Variants in ASAH2 observed in about 807,000 individuals in gnomAD.
ASAH2 encodes neutral ceramidase.
ASAH2 carries 58 observed loss-of-function variants against 82.9 expected under a neutral mutation model. The ratio of observed to expected loss-of-function variants is 0.70; its 90% CI spans 0.57 to 0.87. The LOEUF (loss-of-function observed/expected upper bound fraction) is 0.87, where lower values mean the gene tolerates loss of function less well. Among genes scored for constraint, ASAH2 ranks in the 40% least tolerant of loss-of-function variants. The pLI is 0.00. For missense variants in ASAH2, 779 were observed against 834.0 expected (o/e 0.93, Z 0.81); for synonymous variants, 276 against 289.7 (o/e 0.95, Z 0.48).
rs1457465858 is a variant in ASAH2 at position 50,185,899 on chromosome 10, G to A, written c.*1416C>T. ...TGATTTTTTTCCCTAAAATGCTAAA[G>A]CTTTTACATACATACAAAAGTATGA... On this transcript the variant is annotated 3_prime_UTR_variant, in exon 21 of 21. Coordinates refer to ENST00000682911, the MANE Select transcript of ASAH2 (RefSeq NM_019893.4). 1 of 145,088 alleles carries A rather than the reference G, an allele frequency of 6.9e-6. No homozygotes were observed. The highest frequency in any genetic ancestry group is 1.5e-5 in the Non-Finnish European group (1 of 66,622). The allele number at this position is 145,088 out of a possible 1,614,324, so 9.0% of individuals were successfully genotyped here. A position where few individuals can be genotyped will look rare whatever the true frequency, so the allele number is the denominator to read the frequency against.
chr10:50,227,136 T>C (rs1023661129), intron 7 of ASAH2, among the ~76,000 whole-genome samples: 3 of 151,938 alleles, frequency 2.0e-5, no homozygotes, highest in Non-Finnish European at 4.4e-5. Context: ...ATTGTCAGAG[T>C]ACAAAAGAAA....
chr10:50,245,434 A>G lies in ASAH2; in HGVS notation c.148T>C (p.Ser50Pro), dbSNP rs754264015. 6.2e-7 allele frequency: 1 copy of G among 1,610,180 alleles called. No homozygotes were observed. The highest frequency in any genetic ancestry group is 1.1e-5 in the South Asian group (1 of 90,554). ...NHKDLGGHFF[S>P]TTQSPPATQG... ...GTGGCTGGAGGGCTTTGGGTGGTTG[A>G]AAAAAAATGGCCTCCTAAATCTAAA... The change falls in exon 3 of 21, where the codon TCA becomes CCA. Residue 50 changes from serine (S) to proline (P), a missense_variant. By Grantham distance (74) the Ser-to-Pro change is moderately conservative. Coordinates refer to ENST00000682911, the MANE Select transcript of ASAH2 (RefSeq NM_019893.4).
At position 50,199,166 on chromosome 10, in the gene ASAH2, A is replaced by G; in HGVS notation, c.1762-20T>C. The G allele has an allele frequency of 6.2e-7, 1 of 1,612,310 alleles. No individual in the cohort carries two copies. Among genetic ancestry groups the G allele is most frequent in the Admixed American group, 1.7e-5 (1 of 59,914 alleles). ...CTGAGCCTGCAGGAAAGGCAGGGAG[A>G]GTTGTATATGGTTCTGCTTATTTAA... On this transcript the variant is annotated intron_variant, in intron 16 of 20. Coordinates refer to ENST00000682911, the MANE Select transcript of ASAH2 (RefSeq NM_019893.4).
chr10:50,241,150 G>C (rs1846282940), intron 4 of ASAH2, among the ~76,000 whole-genome samples: 1 of 152,150 alleles, frequency 6.6e-6, no homozygotes, highest in South Asian at 2.1e-4. Context: ...CTTCAAGCCT[G>C]GGTCAAGCTT....
chr10:50,230,896 C>T (rs1483112847), intron 7 of ASAH2, among the ~76,000 whole-genome samples: 4 of 151,708 alleles, frequency 2.6e-5, no homozygotes, highest in Non-Finnish European at 5.9e-5. Context: ...TAAAAAATAG[C>T]CAGGTGTGGT....
At chr10:50,211,219 C>T (rs1169515395) in intron 10 of ASAH2, 85 bp from the exon 11 acceptor site, 1 of 1,060,488 alleles carries the variant, frequency 9.4e-7, no homozygotes, top group Non-Finnish European at 1.5e-6. Context: ...CAATTTGATG[C>T]AATTTGGAAA....
chr10:50,204,963 C>T lies in ASAH2; in HGVS notation c.1531-8G>A, dbSNP rs1485799687. 6.3e-7 allele frequency: 1 copy of T among 1,591,568 alleles called. No individual in the cohort carries two copies. Among genetic ancestry groups the T allele is most frequent in the Non-Finnish European group, 8.6e-7 (1 of 1,166,972 alleles). ...GGGGTGAGGTTTTGATAGCTGAGAA[C>T]CCAAAACAAGAAAATTATGTTAGGG... On this transcript the variant is annotated splice_region_variant and splice_polypyrimidine_tract_variant and intron_variant, in intron 13 of 20. Coordinates refer to ENST00000682911, the MANE Select transcript of ASAH2 (RefSeq NM_019893.4).
intron 16 of ASAH2, among the ~76,000 whole-genome samples, chr10:50,201,707 G>A (rs1845153806): frequency 6.6e-6 from 1 of 152,076 alleles, no homozygotes; most frequent in African/African-American, 2.4e-5. Flanking sequence ...TTCTAAAGGT[G>A]TAAAATAAAA....
At position 50,205,996 on chromosome 10, in the gene ASAH2, GA is replaced by G; in HGVS notation, c.1515del (p.Leu506PhefsTer29). On this transcript the variant is annotated frameshift_variant, in exon 13 of 21. Transcript: ENST00000682911. LOFTEE classifies it high-confidence loss of function. ...AAATGCATTACTTCTCCGGTGTGAA[GA>G]AGGATGGGCTTTGGTTTATGACATT... ...IKECHKPKPI[L>X]LHTGELSKPH... The G allele has an allele frequency of 2.5e-6, 4 of 1,611,762 alleles. No individual in the cohort carries two copies. The highest frequency in any genetic ancestry group is 2.5e-6 in the Non-Finnish European group (3 of 1,178,168).
Position 50,209,755 on chromosome 10 carries a change from A to G in ASAH2, c.1414+1068T>C, listed in dbSNP as rs980695658. On this transcript the variant is annotated intron_variant, in intron 12 of 20. Coordinates refer to ENST00000682911, the MANE Select transcript of ASAH2 (RefSeq NM_019893.4). ...CGTAAATGACATTTCTCCAAGGGAG[A>G]TATATATGTGGTTAATACGCACATG... 2.2e-4 allele frequency among the ~76,000 whole-genome samples: 33 copies of G among 152,330 alleles called. 1 individual carries two copies. The South Asian group carries it at 6.0e-3, about 28-fold the overall frequency.
intron 2 of ASAH2, among the ~76,000 whole-genome samples, chr10:50,246,339 T>C (rs1317523508): frequency 6.6e-6 from 1 of 152,222 alleles, no homozygotes; most frequent in Non-Finnish European, 1.5e-5. Flanking sequence ...AATAACTATG[T>C]TCACTAATAT....
At chr10:50,198,991 TAC>T (rs1264348423) in intron 17 of ASAH2, 58 bp downstream of exon 17, 97,480 of 1,108,360 alleles carry the variant, frequency 0.088, 173 homozygotes, top group African/African-American at 0.094. Flanking sequence ...CATACAGACA[TAC>T]ACACACACAC....
At chr10:50,245,554 T>C in intron 2 of ASAH2, 100 bp from the exon 3 acceptor site, 2 of 1,058,458 alleles carry the variant, frequency 1.9e-6, no homozygotes, top group South Asian at 1.7e-5. Context: ...TAAGGAAAAC[T>C]CTTTATATAT....
intron 7 of ASAH2, among the ~76,000 whole-genome samples, chr10:50,220,382 C>T (rs1053075819): frequency 5.3e-5 from 8 of 152,176 alleles, no homozygotes; most frequent in South Asian, 2.1e-4. Context: ...CCTAAATGCC[C>T]GTCAGTGATA....
At chr10:50,237,015 GA>G (rs1256807233) in intron 4 of ASAH2, among the ~76,000 whole-genome samples, 1 of 152,122 alleles carries the variant, frequency 6.6e-6, no homozygotes, top group Non-Finnish European at 1.5e-5. Context: ...GTTGCATAAG[GA>G]AAAAGAAAGT....
chr10:50,204,156 A>C (rs1845231754), intron 14 of ASAH2, among the ~76,000 whole-genome samples: 2 of 152,026 alleles, frequency 1.3e-5, no homozygotes, highest in Admixed American at 6.6e-5. Flanking sequence ...CCTGGAATGA[A>C]ATGAGAAGCT....
At chr10:50,213,569 G>A (rs1271098483) in intron 9 of ASAH2, among the ~76,000 whole-genome samples, 3 of 152,078 alleles carry the variant, frequency 2.0e-5, no homozygotes, top group Non-Finnish European at 4.4e-5. Flanking sequence ...AATATTATAA[G>A]TGGAATCAAA....
chr10:50,196,036 A>G (rs1844970145), intron 18 of ASAH2, among the ~76,000 whole-genome samples: 1 of 151,858 alleles, frequency 6.6e-6, no homozygotes, highest in African/African-American at 2.4e-5. Context: ...AAAATTGTTA[A>G]GAAAGTCTCA....
chr10:50,239,696 C>T (rs1308936999), intron 4 of ASAH2, among the ~76,000 whole-genome samples: 1 of 152,026 alleles, frequency 6.6e-6, no homozygotes, highest in Non-Finnish European at 1.5e-5. Flanking sequence ...ATAATAATAC[C>T]TCCCTCATAG....
Sources: allele counts gnomAD v4.1 joint callset (sites outside exome capture counted in the v4.1 genomes callset), GRCh38; gene constraint gnomAD v4.1.1; transcripts MANE v1.5; gene names NCBI Gene and HGNC (gene_info 2026-07-23, HGNC 2026-07-21).